NEK11: variants seen among roughly 807,000 people sequenced by gnomAD.
NEK11 encodes NIMA related kinase 11.
Under a neutral mutation model 80.7 loss-of-function variants are expected in NEK11, and 72 were observed. That is an observed-to-expected ratio of 0.89 (90% CI 0.74 to 1.08). The LOEUF (loss-of-function observed/expected upper bound fraction) is 1.08. NEK11 is among the 50% of genes least tolerant of loss of function. The pLI, the probability that NEK11 is intolerant of heterozygous loss-of-function variation, is 0.00. For missense variants in NEK11, 764 were observed against 763.6 expected (o/e 1.00, Z -0.01); for synonymous variants, 251 against 260.7 (o/e 0.96, Z 0.36).
At chr3:131,029,524 C>T in intron 2 of NEK11, 89 bp from the exon 3 acceptor site, 1 of 472,628 alleles carries the variant, frequency 2.1e-6, no homozygotes, top group Non-Finnish European at 3.7e-6. Context: ...GTCTGCTGAT[C>T]AAGGTGCAGA....
chr3:131,065,975 T>G (rs2071856468), intron 3 of NEK11, among the ~76,000 whole-genome samples: 1 of 152,002 alleles, frequency 6.6e-6, no homozygotes, highest in Non-Finnish European at 1.5e-5. Flanking sequence ...GACACAAGAG[T>G]CCAGCATATT....
chr3:131,287,537 G>C lies in NEK11; in HGVS notation c.1718+13963G>C, dbSNP rs528752446. Among the ~76,000 whole-genome samples, 13 of 152,316 alleles carry C rather than the reference G, an allele frequency of 8.5e-5. No individual in the cohort carries two copies. In the South Asian group the frequency reaches 2.1e-3, roughly 24 times the overall value. On this transcript the variant is annotated intron_variant, in intron 17 of 17. Transcript: ENST00000383366. Reference sequence around the variant, plus strand: ...GATCCACCTGCCTCGGCCTCCCAAAGTGGTGGGATTACAGGAGTGAGCCAC... The same window carrying C: ...GATCCACCTGCCTCGGCCTCCCAAACTGGTGGGATTACAGGAGTGAGCCAC...
chr3:131,101,546 T>A (rs1433605921), intron 4 of NEK11, among the ~76,000 whole-genome samples: 1 of 152,108 alleles, frequency 6.6e-6, no homozygotes, highest in Non-Finnish European at 1.5e-5. Context: ...TTTTGAGAGG[T>A]CTTCTTGATA....
chr3:131,277,455 A>T (rs2096313160), intron 17 of NEK11, among the ~76,000 whole-genome samples: 2 of 152,192 alleles, frequency 1.3e-5, no homozygotes, highest in African/African-American at 4.8e-5. Context: ...TTGTTACATA[A>T]GCAAAGGCAA....
At chr3:131,157,067 C>G (rs555070146) in intron 10 of NEK11, among the ~76,000 whole-genome samples, 1 of 151,950 alleles carries the variant, frequency 6.6e-6, no homozygotes, top group African/African-American at 2.4e-5. Flanking sequence ...GAATCAAGAT[C>G]AAATTTTAAT....
intron 3 of NEK11, among the ~76,000 whole-genome samples, chr3:131,078,873 CT>C (rs769791475): frequency 0.021 from 2,949 of 138,932 alleles, 38 homozygotes; most frequent in African/African-American, 0.048. Context: ...ACTCCTTCAT[CT>C]TTTTTTTTTT....
chr3:131,040,299 G>GAAA (rs139509630), intron 3 of NEK11, among the ~76,000 whole-genome samples: 1 of 147,600 alleles, frequency 6.8e-6, no homozygotes, highest in Non-Finnish European at 1.5e-5. Flanking sequence ...GTAGTTATAT[G>GAAA]AAAAAAAAAA....
rs531867084 is a variant in NEK11 at position 131,134,287 on chromosome 3, T to G, written c.647+331T>G. 3.2e-3 allele frequency: 584 copies of G among 181,202 alleles called. 2 individuals are homozygous for G. Among genetic ancestry groups the G allele is most frequent in the Non-Finnish European group, 4.8e-3 (424 of 87,798 alleles). 11.2% of individuals were successfully genotyped at this position (181,202 alleles called of 1,614,324 possible). On this transcript the variant is annotated intron_variant, in intron 7 of 17. Transcript: ENST00000383366. ...AAAGTATTTGTAACCCTAAGTACTG[T>G]GCTTATTCTATTTTAAGGTTAACTT...
intron 12 of NEK11, 28 bp downstream of exon 12, chr3:131,165,547 C>T (rs1440292707): frequency 6.8e-7 from 1 of 1,469,674 alleles, no homozygotes. Flanking sequence ...TTAAATTTTA[C>T]ATAAAAATTT....
At chr3:131,100,470 T>A (rs1424893550) in intron 4 of NEK11, among the ~76,000 whole-genome samples, 5 of 152,128 alleles carry the variant, frequency 3.3e-5, no homozygotes, top group Non-Finnish European at 1.5e-5. Flanking sequence ...CTCAGGAGGC[T>A]GAGGCAGGAT....
At chr3:131,093,078 G>A (rs1272994285) in intron 4 of NEK11, among the ~76,000 whole-genome samples, 1 of 152,122 alleles carries the variant, frequency 6.6e-6, no homozygotes, top group African/African-American at 2.4e-5. Context: ...CACACATATG[G>A]TTGATCATTA....
chr3:131,348,182 T>G (rs1347148811), intron 17 of NEK11, among the ~76,000 whole-genome samples: 2 of 152,252 alleles, frequency 1.3e-5, no homozygotes, highest in East Asian at 3.9e-4. Flanking sequence ...TCCTAAAAAT[T>G]TGATGTCATA....
intron 7 of NEK11, among the ~76,000 whole-genome samples, chr3:131,143,296 T>G (rs2087381819): frequency 1.3e-5 from 2 of 152,086 alleles, no homozygotes; most frequent in South Asian, 4.1e-4. Flanking sequence ...TTGGTCCACT[T>G]TAGATAGTTT....
chr3:131,115,970 CTTTCTTTCTTTCT>C (rs2081126190), intron 5 of NEK11, among the ~76,000 whole-genome samples: 1 of 136,914 alleles, frequency 7.3e-6, no homozygotes, highest in Non-Finnish European at 1.6e-5. Context: ...TTCTTTCTTT[CTTTCTTTCTTTCT>C]TTCTTTATTA....
At chr3:131,107,978 G>A (rs2079463752) in intron 4 of NEK11, among the ~76,000 whole-genome samples, 1 of 152,120 alleles carries the variant, frequency 6.6e-6, no homozygotes, top group East Asian at 1.9e-4. Context: ...ATAAAGGCAG[G>A]TTTGAAGAAT....
At chr3:131,032,470 T>C (rs1036037209) in intron 3 of NEK11, among the ~76,000 whole-genome samples, 1 of 152,238 alleles carries the variant, frequency 6.6e-6, no homozygotes, top group African/African-American at 2.4e-5. Flanking sequence ...GGCATACAGC[T>C]GCATCACACC....
At chr3:131,074,496 GAAATATACAGCATATAT>G (rs1201750734) in intron 3 of NEK11, among the ~76,000 whole-genome samples, 6 of 151,892 alleles carry the variant, frequency 4.0e-5, no homozygotes, top group African/African-American at 1.5e-4. Context: ...TTACTCTAAG[GAAATATACAGCATATAT>G]AAAATATTGT....
chr3:131,334,252 A>G (rs1181325917), intron 17 of NEK11, among the ~76,000 whole-genome samples: 3 of 152,228 alleles, frequency 2.0e-5, no homozygotes, highest in African/African-American at 7.2e-5. Context: ...AAAGAACAGA[A>G]ATTATAACAA....
chr3:131,155,358 G>A (rs1178694191), intron 10 of NEK11, among the ~76,000 whole-genome samples: 2 of 152,188 alleles, frequency 1.3e-5, no homozygotes, highest in Non-Finnish European at 2.9e-5. Context: ...CTGCAGGGTA[G>A]CTCTGCAGTT....
Sources: gnomAD v4.1 joint callset for allele counts (sites outside exome capture counted in the v4.1 genomes callset) on GRCh38, gnomAD v4.1.1 for gene constraint, MANE v1.5 for transcripts, NCBI Gene and HGNC (gene_info 2026-07-23, HGNC 2026-07-21) for gene names.